The following PARP12 variants were observed in gnomAD, a reference collection of about 807,000 sequenced individuals.
The protein encoded by PARP12 is poly(ADP-ribose) polymerase family member 12.
PARP12 carries 59 observed loss-of-function variants against 72.4 expected under a neutral mutation model. The observed-to-expected ratio is 0.81, with a 90% CI of 0.66 to 1.01. PARP12 has a LOEUF of 1.01. Ranked by LOEUF, PARP12 falls within the 50% of genes least tolerant of loss-of-function variation. The pLI is 0.00. For missense variants in PARP12, 851 were observed against 914.0 expected, an observed-to-expected ratio of 0.93 and a Z score of 0.89; for synonymous variants, 403 against 371.4, an observed-to-expected ratio of 1.09 and a Z score of -0.98.
At chr7:140,024,946 A>G in intron 11 of PARP12, 61 bp from the exon 12 acceptor site, 1 of 1,497,454 alleles carries the variant, frequency 6.7e-7, no homozygotes, top group Non-Finnish European at 9.2e-7. Context: ...GGGTCAGCAC[A>G]CTGCGAATAG....
At chr7:140,059,262 G>A (rs940270737) in intron 1 of PARP12, among the ~76,000 whole-genome samples, 1 of 152,180 alleles carries the variant, frequency 6.6e-6, no homozygotes, top group African/African-American at 2.4e-5. Context: ...AGGAGTTGCT[G>A]CACAGCAGTC....
At chr7:140,061,181 C>A (rs930536508) in intron 1 of PARP12, among the ~76,000 whole-genome samples, 3 of 152,224 alleles carry the variant, frequency 2.0e-5, no homozygotes, top group African/African-American at 2.4e-5. Flanking sequence ...TAGACAGGGT[C>A]ACGAGACAGC....
intron 7 of PARP12, chr7:140,034,688 ATGTCT>A (rs1272904394): frequency 1.6e-5 from 3 of 190,868 alleles, no homozygotes; most frequent in Non-Finnish European, 3.3e-5. Flanking sequence ...TCAAACTACC[ATGTCT>A]TGAGTTAGTG....
At chr7:140,034,409 A>G (rs1816072303) in intron 7 of PARP12, 78 bp from the exon 8 acceptor site, 1 of 1,224,574 alleles carries the variant, frequency 8.2e-7, no homozygotes, top group South Asian at 1.3e-5. Context: ...TTATAAACAC[A>G]AATTAGATAG....
chr7:140,032,679 G>C (rs1381338607), intron 8 of PARP12, among the ~76,000 whole-genome samples: 2 of 152,120 alleles, frequency 1.3e-5, no homozygotes, highest in Admixed American at 6.5e-5. Flanking sequence ...TGATTATCAT[G>C]ATCTATTTTT....
At chr7:140,033,979 A>C in intron 8 of PARP12, 1 of 1,088,674 alleles carries the variant, frequency 9.2e-7, no homozygotes, top group Non-Finnish European at 1.1e-6. Context: ...ACTCGCCTTC[A>C]GAGTCTGTCT....
intron 10 of PARP12, among the ~76,000 whole-genome samples, chr7:140,026,999 G>A (rs1264612038): frequency 6.6e-6 from 1 of 152,172 alleles, no homozygotes; most frequent in African/African-American, 2.4e-5. Context: ...TCTCCAGGAA[G>A]GCAGAATGGA....
chr7:140,044,289 G>A (rs1816621437), intron 5 of PARP12, among the ~76,000 whole-genome samples: 1 of 152,172 alleles, frequency 6.6e-6, no homozygotes, highest in Non-Finnish European at 1.5e-5. Flanking sequence ...TTTGGAAATA[G>A]GGTCTTTGCA....
chr7:140,048,468 A>C lies in PARP12; in HGVS notation c.863-1461T>G, dbSNP rs574204948. On this transcript the variant is annotated intron_variant, in intron 4 of 11. Transcript: ENST00000263549. The stretch of plus-strand genomic sequence containing the variant: ...GAAGTGTCATGAGAGGACAGGGAGA[A>C]AGGAGAGAAAAAGAATGAGAAGCTC... 4.6e-4 allele frequency among the ~76,000 whole-genome samples: 70 copies of C among 152,318 alleles called. No individual in the cohort carries two copies. In the Middle Eastern group the frequency reaches 0.01, roughly 22 times the overall value.
chr7:140,038,527 T>C (rs1246838095), intron 6 of PARP12, among the ~76,000 whole-genome samples: 1 of 152,138 alleles, frequency 6.6e-6, no homozygotes, highest in Non-Finnish European at 1.5e-5. Flanking sequence ...TATTCATCCC[T>C]TTATACAACA....
intron 8 of PARP12, among the ~76,000 whole-genome samples, chr7:140,031,321 C>A (rs988328427): frequency 3.3e-5 from 5 of 151,932 alleles, no homozygotes; most frequent in Non-Finnish European, 5.9e-5. Flanking sequence ...TGCAATAAGC[C>A]GTGATCAGGT....
rs1430007807 is a variant in PARP12 at position 140,056,904 on chromosome 7, A to C, written c.712T>G (p.Ser238Ala). The C allele has an allele frequency of 1.9e-6, 3 of 1,613,074 alleles. No individual in the cohort carries two copies. The East Asian group carries it at 6.7e-5, about 36-fold the overall frequency. The change falls in exon 3 of 12, where the codon TCT (serine) becomes GCT (alanine). Residue 238 changes from serine (S) to alanine (A), a missense_variant. This residue lies in a region of PARP12 where 492 missense variants were observed against 489.3 expected (regional missense o/e 1.01). Transcript: ENST00000263549. ...AGAGGAGGCACTCTGCTGGGGGCAG[A>C]GCTCTTATTCTTGATGTCATGTGCA... is the stretch of plus-strand genomic sequence containing the variant. ...RNAHDIKNKSSAPSRVPPLFV... is the reference protein window; with the variant it reads ...RNAHDIKNKSAAPSRVPPLFV...
rs1346118923 is a variant in PARP12, at chr7:140,035,962, GGAGGAGGAC to G, written c.1325-1640_1325-1632del. On this transcript the variant is annotated intron_variant, in intron 7 of 11. Transcript: ENST00000263549. ...AGGAGGAGGAGGAGGACGAGGAGGAGGAGGAGGACGAGGAGGAGGAGGAGGAGGAGGAGG... is the reference window on the plus strand; with the variant it reads ...AGGAGGAGGAGGAGGACGAGGAGGAGGAGGAGGAGGAGGAGGAGGAGGAGG... Among the ~76,000 whole-genome samples the G allele has an allele frequency of 5.4e-4, 44 of 82,194 alleles. 3 individuals are homozygous for G. Among genetic ancestry groups the G allele is most frequent in the African/African-American group, 2.1e-3 (20 of 9,638 alleles). The allele number at this position is 82,194 out of a possible 152,430, so 53.9% of individuals were successfully genotyped here.
chr7:140,050,096 A>G (rs1466185301), intron 4 of PARP12, among the ~76,000 whole-genome samples: 3 of 152,228 alleles, frequency 2.0e-5, no homozygotes, highest in Non-Finnish European at 2.9e-5. Context: ...GACCAGAATT[A>G]TTCAAGAATT....
In PARP12 at chr7:140,062,688, G is replaced by A; in HGVS notation, c.160C>T (p.Arg54Trp). Reference sequence around the variant, plus strand: ...GGGGCCGCGGCTGCGCCGCCCGCCCGCACCGCCACCACGAAGCGCCCACGC... The same window carrying A: ...GGGGCCGCGGCTGCGCCGCCCGCCCACACCGCCACCACGAAGCGCCCACGC... ...RQRGRFVVAV[R>W]AGGAAAAPER... Residue 54 changes from arginine (R) to tryptophan (W), a missense_variant, in exon 1 of 12, where the codon CGG becomes TGG. Physicochemically the swap from Arg to Trp is moderately radical, Grantham distance 101 (BLOSUM62 -3). Transcript: ENST00000263549. 2 of 1,292,524 alleles carry A rather than the reference G, an allele frequency of 1.5e-6. No homozygotes were observed. The highest frequency in any genetic ancestry group is 2.2e-5 in the South Asian group (1 of 46,472). 80.1% of individuals were successfully genotyped at this position (1,292,524 alleles called of 1,614,324 possible).
At chr7:140,055,009 T>C (rs1430324921) in intron 3 of PARP12, among the ~76,000 whole-genome samples, 1 of 152,202 alleles carries the variant, frequency 6.6e-6, no homozygotes, top group Non-Finnish European at 1.5e-5. Context: ...TTCTCAACTC[T>C]CGCTGTCCAT....
rs141716898 is a variant in PARP12 at position 140,054,862 on chromosome 7, G to A, written c.761-99C>T. On this transcript the variant is annotated intron_variant, in intron 3 of 11. Transcript: ENST00000263549. ...AGTTCTCTGCACAAAAGTGGGCAAC[G>A]CAAGCTCACAAAGCCCTATCGTGTT... is the stretch of plus-strand genomic sequence containing the variant. The A allele has an allele frequency of 1.2e-4, 124 of 998,762 alleles. 1 individual carries two copies. The highest frequency in any genetic ancestry group is 8.8e-4 in the South Asian group (63 of 71,728). The allele number at this position is 998,762 out of a possible 1,614,324, so 61.9% of individuals were successfully genotyped here.
chr7:140,054,624 C>A (rs778958371), intron 4 of PARP12, 38 bp downstream of exon 4: 2 of 1,494,128 alleles, frequency 1.3e-6, no homozygotes, highest in Non-Finnish European at 1.9e-6. Context: ...GCAGTTACCC[C>A]TCCCACAAGT....
At position 140,041,836 on chromosome 7, in the gene PARP12, G is replaced by C; in HGVS notation, c.990C>G (p.Ile330Met). The change falls in exon 6 of 12, where the codon ATC becomes ATG. Residue 330 changes from isoleucine to methionine, a missense_variant. Physicochemically the swap from Ile to Met is conservative, Grantham distance 10 (BLOSUM62 1). Around this residue, in one of 3 missense-constraint regions of PARP12, gnomAD observed 492 missense variants for 489.3 expected, o/e 1.01. Transcript: ENST00000263549. ...AGGTACTGGCTGACTCAGAGCACAG[G>C]ATCCTACAGAAGAAAAACAGCAGCA... Reference protein sequence around the residue: ...EAYCNPKIERILCSESASTFH... With the variant: ...EAYCNPKIERMLCSESASTFH... 1.2e-6 allele frequency: 2 copies of C among 1,610,522 alleles called. No homozygotes were observed. Among genetic ancestry groups the C allele is most frequent in the Non-Finnish European group, 1.7e-6 (2 of 1,177,574 alleles).
Sources: allele counts gnomAD v4.1 joint callset (sites outside exome capture counted in the v4.1 genomes callset), GRCh38; gene constraint gnomAD v4.1.1; regional missense constraint gnomAD v4.1.1; transcripts MANE v1.5; gene names NCBI Gene and HGNC (gene_info 2026-07-23, HGNC 2026-07-21).